The following RBFOX1 variants were observed in gnomAD, a reference collection of about 807,000 sequenced individuals.
RBFOX1 encodes RNA binding fox-1 homolog 1.
In RBFOX1, 8 loss-of-function variants were observed where a neutral mutation model predicts 57.7. The observed-to-expected ratio is 0.14, with a 90% CI of 0.08 to 0.25. RBFOX1 has a LOEUF of 0.25. Among genes scored for constraint, RBFOX1 ranks in the 10% least tolerant of loss-of-function variants. The pLI is 1.00. For missense variants in RBFOX1, 611 were observed against 548.5 expected (o/e 1.11, Z -1.14); for synonymous variants, 326 against 222.4 (o/e 1.47, Z -4.15).
At chr16:6,348,823 C>A (rs935346206) in intron 2 of RBFOX1, among the ~76,000 whole-genome samples, 1 of 152,134 alleles carries the variant, frequency 6.6e-6, no homozygotes, top group African/African-American at 2.4e-5. Context: ...ACCTCCAACA[C>A]TGGGGATTAC....
At chr16:6,057,397 T>C (rs1436522849) in intron 1 of RBFOX1, among the ~76,000 whole-genome samples, 1 of 152,064 alleles carries the variant, frequency 6.6e-6, no homozygotes, top group Non-Finnish European at 1.5e-5. Context: ...AATATCAGAC[T>C]AAATTTAATA....
Position 7,239,388 on chromosome 16 carries a change from A to G in RBFOX1, c.27+187290A>G, listed in dbSNP as rs567458643. On this transcript the variant is annotated intron_variant, in intron 4 of 15. Coordinates refer to ENST00000550418, the MANE Select transcript of RBFOX1 (RefSeq NM_018723.4). ...GTGGTGCATGCCTGTAATCCCAGTT[A>G]CTTGGGAGTCTAAGGCACCAGAATT... is the stretch of plus-strand genomic sequence containing the variant. Among the ~76,000 whole-genome samples the G allele has an allele frequency of 1.1e-4, 17 of 152,282 alleles. No individual in the cohort carries two copies. The East Asian group carries it at 3.1e-3, about 28-fold the overall frequency.
intron 1 of RBFOX1, among the ~76,000 whole-genome samples, chr16:6,148,039 G>A (rs896112568): frequency 3.9e-5 from 6 of 152,190 alleles, no homozygotes; most frequent in African/African-American, 1.4e-4. Flanking sequence ...TTCTAAACTG[G>A]CAGTGTAGAC....
intron 2 of RBFOX1, among the ~76,000 whole-genome samples, chr16:6,386,028 C>T (rs1303118227): frequency 6.6e-6 from 1 of 151,708 alleles, no homozygotes; most frequent in Non-Finnish European, 1.5e-5. Flanking sequence ...CTCCGCCTCC[C>T]GGGTTCACAC....
chr16:6,293,491 C>G (rs937634318), intron 1 of RBFOX1, among the ~76,000 whole-genome samples: 1 of 152,026 alleles, frequency 6.6e-6, no homozygotes, highest in African/African-American at 2.4e-5. Flanking sequence ...TCTGCCAGGT[C>G]CTTGGATAAG....
At chr16:7,325,564 C>G (rs2143620931) in intron 4 of RBFOX1, among the ~76,000 whole-genome samples, 1 of 152,288 alleles carries the variant, frequency 6.6e-6, no homozygotes, top group South Asian at 2.1e-4. Flanking sequence ...TGAAAGCAGT[C>G]TCTAAGTGGG....
chr16:6,869,131 C>G (rs903953181), intron 3 of RBFOX1, among the ~76,000 whole-genome samples: 8 of 152,204 alleles, frequency 5.3e-5, no homozygotes, highest in African/African-American at 1.7e-4. Context: ...CCCATACTGG[C>G]TTATGCATCT....
intron 5 of RBFOX1, among the ~76,000 whole-genome samples, chr16:7,529,040 C>G (rs952217349): frequency 4.6e-5 from 7 of 152,316 alleles, no homozygotes; most frequent in East Asian, 1.9e-4. Flanking sequence ...AGATGGATCA[C>G]TTGAGGCCAG....
chr16:5,729,574 A>G, intron 3 of RBFOX1, among the ~76,000 whole-genome samples: 1 of 151,976 alleles, frequency 6.6e-6, no homozygotes, highest in Non-Finnish European at 1.5e-5. Context: ...TATGTTAATT[A>G]TATTTGTCCA....
At chr16:5,438,328 T>A (rs924165685) in intron 1 of RBFOX1, among the ~76,000 whole-genome samples, 2 of 152,222 alleles carry the variant, frequency 1.3e-5, no homozygotes, top group Admixed American at 1.3e-4. Context: ...AGGGAGGATC[T>A]ATGGCTCAGA....
In RBFOX1 at chr16:5,528,881, C is replaced by G. The variant is rs369133392; in HGVS notation, c.258+61627C>G. Among the ~76,000 whole-genome samples, 7 of 152,232 alleles carry G rather than the reference C, an allele frequency of 4.6e-5. No individual in the cohort carries two copies. In the East Asian group the frequency reaches 1.2e-3, roughly 25 times the overall value. On this transcript the variant is annotated intron_variant, in intron 2 of 2. Transcript: ENST00000585867. ...GTTAAGCTGGTCTTGAACTCCTGAG[C>G]TCAAGTGATCCATCTGCTTCGGCCT...
At chr16:7,327,623 G>C (rs80188945) in intron 4 of RBFOX1, among the ~76,000 whole-genome samples, 2 of 152,132 alleles carry the variant, frequency 1.3e-5, no homozygotes, top group Non-Finnish European at 2.9e-5. Context: ...TTTTTAGATA[G>C]CTTTTTAGAA....
intron 2 of RBFOX1, among the ~76,000 whole-genome samples, chr16:5,571,554 GTT>G (rs1042867697): frequency 1.3e-5 from 2 of 152,138 alleles, no homozygotes; most frequent in African/African-American, 4.8e-5. Context: ...ACAACAAACT[GTT>G]TATCATGAAC....
intron 10 of RBFOX1, among the ~76,000 whole-genome samples, chr16:7,627,425 C>G (rs11863213): frequency 5.9e-5 from 9 of 151,918 alleles, no homozygotes; most frequent in Admixed American, 5.9e-4. Flanking sequence ...TTTGCCATCC[C>G]TAGATTATAA....
At chr16:6,437,155 C>A (rs1324868946) in intron 2 of RBFOX1, among the ~76,000 whole-genome samples, 1 of 152,188 alleles carries the variant, frequency 6.6e-6, no homozygotes, top group African/African-American at 2.4e-5. Context: ...AGAAGAAGAT[C>A]TATCACCCAC....
At chr16:6,229,182 C>G (rs886870656) in intron 1 of RBFOX1, among the ~76,000 whole-genome samples, 11 of 152,144 alleles carry the variant, frequency 7.2e-5, no homozygotes, top group African/African-American at 2.4e-4. Flanking sequence ...TAATGTCATT[C>G]TGTAGTCTGA....
At chr16:5,847,870 T>A (rs1400923326) in intron 3 of RBFOX1, among the ~76,000 whole-genome samples, 1 of 152,022 alleles carries the variant, frequency 6.6e-6, no homozygotes, top group East Asian at 2.0e-4. Flanking sequence ...ACTATGTTAG[T>A]CATTAGCATT....
chr16:7,336,825 G>C (rs539518998), intron 4 of RBFOX1, among the ~76,000 whole-genome samples: 15 of 152,262 alleles, frequency 9.9e-5, no homozygotes, highest in African/African-American at 2.6e-4. Context: ...TTTGGAAGTT[G>C]GGCACCAAAG....
intron 4 of RBFOX1, among the ~76,000 whole-genome samples, chr16:7,179,116 A>G (rs865791111): frequency 6.6e-6 from 1 of 152,058 alleles, no homozygotes; most frequent in Non-Finnish European, 1.5e-5. Context: ...CAGATCCCAG[A>G]TTACTCGAGG....
Sources: allele counts gnomAD v4.1 joint callset (sites outside exome capture counted in the v4.1 genomes callset), GRCh38; gene constraint gnomAD v4.1.1; transcripts MANE v1.5; gene names NCBI Gene and HGNC (gene_info 2026-07-23, HGNC 2026-07-21).